SPAG16: variants seen among roughly 807,000 people sequenced by gnomAD.
SPAG16 encodes sperm-associated antigen 16 protein.
A neutral mutation model predicts 80.4 loss-of-function variants in SPAG16; 86 were observed. The observed-to-expected ratio is 1.07, with a 90% CI of 0.90 to 1.28. The LOEUF is 1.28. Among genes scored for constraint, SPAG16 ranks in the 50% most tolerant of loss-of-function variants. SPAG16 has a pLI of 0.00. For synonymous variants in SPAG16, 294 were observed against 265.9 expected (o/e 1.11, Z -1.03); for missense variants, 870 against 765.3 (o/e 1.14, Z -1.61).
In SPAG16 at chr2:213,340,294, T is replaced by A. The variant is rs891491381; in HGVS notation, c.644+24T>A. The A allele has an allele frequency of 4.8e-6, 7 of 1,446,992 alleles. No homozygotes were observed. The Admixed American group carries it at 9.7e-5, about 20-fold the overall frequency. 89.6% of individuals were successfully genotyped at this position (1,446,992 alleles called of 1,614,324 possible). A position where few individuals can be genotyped will look rare whatever the true frequency, so the allele number is the denominator to read the frequency against. ...GGGTAAGCTTATACTTGTTGGCATA[T>A]TTATTAAAGAGTTATTTAATACATG... On this transcript the variant is annotated intron_variant, in intron 6 of 15. Coordinates refer to ENST00000331683, the MANE Select transcript of SPAG16 (RefSeq NM_024532.5).
At chr2:213,358,958 T>C (rs1470415945) in intron 7 of SPAG16, among the ~76,000 whole-genome samples, 1 of 152,198 alleles carries the variant, frequency 6.6e-6, no homozygotes, top group African/African-American at 2.4e-5. Context: ...GGGTGTCCTT[T>C]TTTTGAAGTT....
At chr2:213,520,852 G>A (rs906029716) in intron 10 of SPAG16, among the ~76,000 whole-genome samples, 1 of 152,284 alleles carries the variant, frequency 6.6e-6, no homozygotes, top group Middle Eastern at 3.4e-3. Flanking sequence ...GGAGATTCAG[G>A]TATATCTATT....
At chr2:214,142,741 T>C (rs1349049879) in intron 14 of SPAG16, among the ~76,000 whole-genome samples, 1 of 152,186 alleles carries the variant, frequency 6.6e-6, no homozygotes, top group Admixed American at 6.5e-5. Context: ...AATGTATAGA[T>C]TAACAAAAAT....
chr2:213,556,472 A>T (rs1345827873), intron 10 of SPAG16, among the ~76,000 whole-genome samples: 1 of 152,108 alleles, frequency 6.6e-6, no homozygotes. Context: ...GATACAGTAG[A>T]TCTTAAGTCA....
chr2:214,131,576 T>C (rs1354306333), intron 14 of SPAG16, among the ~76,000 whole-genome samples: 2 of 151,888 alleles, frequency 1.3e-5, no homozygotes, highest in African/African-American at 4.8e-5. Context: ...AGTAGGTGAA[T>C]TGATAGAGAA....
At chr2:213,930,205 G>A in intron 12 of SPAG16, 60 bp downstream of exon 12, 3 of 1,325,518 alleles carry the variant, frequency 2.3e-6, no homozygotes, top group South Asian at 1.8e-5. Context: ...TGGGTAAAGT[G>A]GTAAAGTTCT....
intron 11 of SPAG16, among the ~76,000 whole-genome samples, chr2:213,888,709 A>G (rs2076664366): frequency 1.3e-5 from 2 of 151,990 alleles, no homozygotes; most frequent in South Asian, 4.1e-4. Context: ...TATTGACATC[A>G]TATTGCCATT....
intron 10 of SPAG16, among the ~76,000 whole-genome samples, chr2:213,814,075 G>C (rs955528436): frequency 6.6e-6 from 1 of 152,104 alleles, no homozygotes; most frequent in Admixed American, 6.6e-5. Context: ...TGAATTGATT[G>C]ATTTTAAGAA....
At chr2:213,918,157 T>C (rs1344915272) in intron 11 of SPAG16, among the ~76,000 whole-genome samples, 1 of 152,200 alleles carries the variant, frequency 6.6e-6, no homozygotes, top group South Asian at 2.1e-4. Context: ...GATGTGCTGC[T>C]GGAATTGATT....
chr2:213,433,149 G>C (rs774111121), intron 9 of SPAG16, among the ~76,000 whole-genome samples: 1 of 152,080 alleles, frequency 6.6e-6, no homozygotes, highest in Non-Finnish European at 1.5e-5. Flanking sequence ...GACCAACATC[G>C]TACTGATCTG....
intron 9 of SPAG16, among the ~76,000 whole-genome samples, chr2:213,448,256 G>A (rs1209207384): frequency 6.6e-6 from 1 of 152,232 alleles, no homozygotes; most frequent in Non-Finnish European, 1.5e-5. Flanking sequence ...TTCCTACAAC[G>A]AGACTAATCA....
At chr2:214,378,893 T>C (rs1700286207) in intron 15 of SPAG16, among the ~76,000 whole-genome samples, 1 of 152,198 alleles carries the variant, frequency 6.6e-6, no homozygotes, top group Non-Finnish European at 1.5e-5. Context: ...GACAGTTGTA[T>C]AATGGAAGGA....
intron 10 of SPAG16, among the ~76,000 whole-genome samples, chr2:213,618,061 G>A (rs577865982): frequency 1.3e-5 from 2 of 152,158 alleles, no homozygotes; most frequent in Non-Finnish European, 2.9e-5. Context: ...TTGTGAAAAC[G>A]TAGCAGAGAT....
intron 14 of SPAG16, among the ~76,000 whole-genome samples, chr2:214,130,970 G>C (rs996660001): frequency 4.6e-5 from 7 of 152,108 alleles, no homozygotes; most frequent in African/African-American, 1.7e-4. Context: ...TTCACCTTCA[G>C]AAATCCACTA....
intron 9 of SPAG16, among the ~76,000 whole-genome samples, chr2:213,441,031 A>G (rs997598026): frequency 1.3e-5 from 2 of 152,242 alleles, no homozygotes; most frequent in East Asian, 1.9e-4. Flanking sequence ...TTCATGTATT[A>G]TAGGTGGATG....
At chr2:213,935,475 C>T (rs564675940) in intron 12 of SPAG16, among the ~76,000 whole-genome samples, 11 of 152,134 alleles carry the variant, frequency 7.2e-5, no homozygotes, top group Non-Finnish European at 1.5e-5. Flanking sequence ...CTTCTTTCTT[C>T]CCATCTTTAT....
intron 15 of SPAG16, among the ~76,000 whole-genome samples, chr2:214,340,698 C>T (rs1351172614): frequency 6.6e-6 from 1 of 152,110 alleles, no homozygotes; most frequent in Non-Finnish European, 1.5e-5. Flanking sequence ...GTCAGGAGTC[C>T]ATTATGGCAT....
intron 15 of SPAG16, among the ~76,000 whole-genome samples, chr2:214,196,228 T>C (rs912941679): frequency 1.3e-5 from 2 of 152,024 alleles, no homozygotes; most frequent in Non-Finnish European, 2.9e-5. Context: ...CATTTCAATC[T>C]TTCCCCTTTG....
chr2:213,918,364 C>G (rs2078061553), intron 11 of SPAG16, among the ~76,000 whole-genome samples: 1 of 151,928 alleles, frequency 6.6e-6, no homozygotes, highest in Admixed American at 6.6e-5. Flanking sequence ...TCATTGTATA[C>G]ATATGGTAGA....
Sources: gnomAD v4.1 joint callset for allele counts (sites outside exome capture counted in the v4.1 genomes callset) on GRCh38, gnomAD v4.1.1 for gene constraint, MANE v1.5 for transcripts, NCBI Gene and HGNC (gene_info 2026-07-23, HGNC 2026-07-21) for gene names.